CLNS1A: variants seen among roughly 807,000 people sequenced by gnomAD.
CLNS1A encodes methylosome subunit pICln.
A neutral mutation model predicts 29.4 loss-of-function variants in CLNS1A; 16 were observed. That is an observed-to-expected ratio of 0.54 (90% confidence interval 0.37 to 0.83). CLNS1A has a LOEUF of 0.83. Among genes scored for constraint, CLNS1A ranks in the 40% least tolerant of loss-of-function variants. CLNS1A has a pLI of 0.00. For missense variants in CLNS1A, 235 were observed against 287.4 expected, an observed-to-expected ratio of 0.82 and a Z score of 1.32; for synonymous variants, 96 against 104.8, an observed-to-expected ratio of 0.92 and a Z score of 0.51.
At chr11:77,636,488 C>T (rs1259100068) in intron 1 of CLNS1A, among the ~76,000 whole-genome samples, 1 of 152,190 alleles carries the variant, frequency 6.6e-6, no homozygotes, top group Non-Finnish European at 1.5e-5. Context: ...GGCCTGAAGC[C>T]TAAACCTTGT....
chr11:77,622,715 G>C (rs777452541), intron 4 of CLNS1A, 42 bp from the exon 5 acceptor site: 1 of 1,442,080 alleles, frequency 6.9e-7, no homozygotes. Context: ...ACAACAATTA[G>C]AAAAAACAAA....
At chr11:77,623,033 A>G (rs1377507323) in intron 4 of CLNS1A, among the ~76,000 whole-genome samples, 1 of 151,930 alleles carries the variant, frequency 6.6e-6, no homozygotes, top group African/African-American at 2.4e-5. Flanking sequence ...ACATTTATTT[A>G]TACACACATA....
chr11:77,626,025 G>A (rs1447653135), intron 2 of CLNS1A, among the ~76,000 whole-genome samples: 1 of 152,004 alleles, frequency 6.6e-6, no homozygotes, highest in African/African-American at 2.4e-5. Flanking sequence ...ACGCACCTTG[G>A]CCTCCCAAAG....
In CLNS1A at chr11:77,628,049, C is replaced by G. The variant is rs149048648; in HGVS notation, c.262+1714G>C. 5.1e-3 allele frequency among the ~76,000 whole-genome samples: 772 copies of G among 152,298 alleles called. 5 individuals are homozygous for G. The highest frequency in any genetic ancestry group is 0.018 in the African/African-American group (737 of 41,564). On this transcript the variant is annotated intron_variant, in intron 2 of 6. Coordinates refer to ENST00000525428, the MANE Select transcript of CLNS1A (RefSeq NM_001293.3). The stretch of plus-strand genomic sequence containing the variant: ...CCATGTTGGCCAGGATGGTCTCGAT[C>G]TCTTGACCTTGTGATCTGCCCCCCT...
Position 77,624,729 on chromosome 11 carries a change from G to A in CLNS1A, c.472+234C>T, listed in dbSNP as rs144747640. 4.0e-3 allele frequency among the ~76,000 whole-genome samples: 603 copies of A among 152,258 alleles called. 3 individuals carry two copies. The highest frequency in any genetic ancestry group is 0.014 in the African/African-American group (579 of 41,542). ...AGCTACTTGGAAGGCTGAGGCAGGAGAATCGCTTGAACCTAGGAGGCAGAG... is the reference window on the plus strand; with the variant it reads ...AGCTACTTGGAAGGCTGAGGCAGGAAAATCGCTTGAACCTAGGAGGCAGAG... On this transcript the variant is annotated intron_variant, in intron 4 of 6. Coordinates refer to ENST00000525428, the MANE Select transcript of CLNS1A (RefSeq NM_001293.3).
chr11:77,631,541 T>A (rs990967533), intron 1 of CLNS1A, among the ~76,000 whole-genome samples: 1 of 152,004 alleles, frequency 6.6e-6, no homozygotes, highest in Admixed American at 6.5e-5. Flanking sequence ...ATGGTCTGGA[T>A]CTCCTGACCT....
intron 3 of CLNS1A, 86 bp from the exon 4 acceptor site, chr11:77,625,156 C>T (rs1304533815): frequency 1.5e-5 from 13 of 880,330 alleles, no homozygotes; most frequent in South Asian, 4.9e-5. Flanking sequence ...GTACACAAAA[C>T]GCCACAGTAT....
intron 1 of CLNS1A, among the ~76,000 whole-genome samples, chr11:77,630,515 C>T (rs919391921): frequency 2.6e-5 from 4 of 152,118 alleles, no homozygotes; most frequent in Non-Finnish European, 5.9e-5. Flanking sequence ...TCACACTCAC[C>T]GCAAGTCAGG....
At chr11:77,636,781 G>C (rs1021670544) in intron 1 of CLNS1A, among the ~76,000 whole-genome samples, 3 of 152,142 alleles carry the variant, frequency 2.0e-5, no homozygotes, top group African/African-American at 7.2e-5. Context: ...TGGAGCAAAA[G>C]GGGAAGCAAC....
At chr11:77,634,057 C>T (rs1349603415) in intron 1 of CLNS1A, among the ~76,000 whole-genome samples, 1 of 151,550 alleles carries the variant, frequency 6.6e-6, no homozygotes, top group Non-Finnish European at 1.5e-5. Flanking sequence ...GCCAAGATTG[C>T]GCCATTGCAT....
In CLNS1A at chr11:77,637,544, G is replaced by C. The variant is rs769565159; in HGVS notation, c.125+46C>G. ...TTCGCACCGCCTGCTCCAGCAAGGA[G>C]GAGGGCGGCGCGCAGGAGGCCAGCG... On this transcript the variant is annotated intron_variant, in intron 1 of 6. Transcript: ENST00000525428. The C allele has an allele frequency of 2.6e-6, 4 of 1,564,094 alleles. No homozygotes were observed. The East Asian group carries it at 7.0e-5, about 27-fold the overall frequency.
At position 77,615,365 on chromosome 11, in the gene CLNS1A, G is replaced by A. The variant is rs1475092973; in HGVS notation, c.*1353C>T. On this transcript the variant is annotated 3_prime_UTR_variant, in exon 7 of 7. Coordinates refer to ENST00000525428, the MANE Select transcript of CLNS1A (RefSeq NM_001293.3). ...GAGAGTGTGCATGCTTTCTGCTGCTGGTAGGTGGTAAGGCTGTATGATGTT... is the reference window on the plus strand; with the variant it reads ...GAGAGTGTGCATGCTTTCTGCTGCTAGTAGGTGGTAAGGCTGTATGATGTT... 6.6e-6 allele frequency: 1 copy of A among 152,110 alleles called. No individual in the cohort carries two copies. The highest frequency in any genetic ancestry group is 1.5e-5 in the Non-Finnish European group (1 of 68,036). 9.4% of individuals were successfully genotyped at this position (152,110 alleles called of 1,614,324 possible).
At chr11:77,623,466 C>T (rs866529088) in intron 4 of CLNS1A, among the ~76,000 whole-genome samples, 1 of 151,840 alleles carries the variant, frequency 6.6e-6, no homozygotes, top group South Asian at 2.1e-4. Context: ...ACGTGGTGTG[C>T]ACCTGTAGTC....
intron 6 of CLNS1A, among the ~76,000 whole-genome samples, chr11:77,618,110 A>T (rs1958922812): frequency 6.6e-6 from 1 of 152,164 alleles, no homozygotes; most frequent in South Asian, 2.1e-4. Flanking sequence ...TGTTAGTGAC[A>T]TACCAAATGA....
intron 5 of CLNS1A, among the ~76,000 whole-genome samples, chr11:77,620,856 C>T (rs1958950421): frequency 6.7e-6 from 1 of 149,596 alleles, no homozygotes; most frequent in South Asian, 2.1e-4. Context: ...GTGGCACATG[C>T]CTGTAATCCC....
At chr11:77,630,354 A>G (rs1473178459) in intron 1 of CLNS1A, among the ~76,000 whole-genome samples, 1 of 152,192 alleles carries the variant, frequency 6.6e-6, no homozygotes. Flanking sequence ...AATGTGAACT[A>G]TCGGACAGCA....
chr11:77,620,980 T>TTAAA (rs772177956), intron 5 of CLNS1A, among the ~76,000 whole-genome samples: 341 of 151,600 alleles, frequency 2.2e-3, no homozygotes, highest in African/African-American at 7.0e-3. Flanking sequence ...AGACTCCGTC[T>TTAAA]TAAATAAATA....
At chr11:77,631,769 A>C (rs1959077284) in intron 1 of CLNS1A, among the ~76,000 whole-genome samples, 1 of 150,498 alleles carries the variant, frequency 6.6e-6, no homozygotes, top group South Asian at 2.1e-4. Flanking sequence ...ATGAAGTCTC[A>C]CTCTGTCACC....
In CLNS1A at chr11:77,625,738, C is replaced by T. The variant is rs1959011049; in HGVS notation, c.343G>A (p.Val115Met). 1 of 1,612,654 alleles carries T rather than the reference C, an allele frequency of 6.2e-7. No homozygotes were observed. The highest frequency in any genetic ancestry group is 8.5e-7 in the Non-Finnish European group (1 of 1,179,488). The change falls in exon 3 of 7, where the codon GTG becomes ATG. Residue 115 changes from valine (V) to methionine (M), a missense_variant. Val to Met is a conservative substitution (Grantham distance 21). Transcript: ENST00000525428. ...DVEPITEFRF[V>M]PSDKSALEAM... ...TCACACGCTGATTTATCACTAGGCACAAATCTAAATTCAGTAATAGGTTCA... is the reference window on the plus strand; with the variant it reads ...TCACACGCTGATTTATCACTAGGCATAAATCTAAATTCAGTAATAGGTTCA...
Sources: gnomAD v4.1 joint callset for allele counts (sites outside exome capture counted in the v4.1 genomes callset) on GRCh38, gnomAD v4.1.1 for gene constraint, MANE v1.5 for transcripts, NCBI Gene and HGNC (gene_info 2026-07-23, HGNC 2026-07-21) for gene names.